The following BRINP1 variants were observed in gnomAD, a reference collection of about 807,000 sequenced individuals.
The protein encoded by BRINP1 is BMP/retinoic acid-inducible neural-specific protein 1.
BRINP1 carries 17 observed loss-of-function variants against 72.9 expected under a neutral mutation model. The observed-to-expected ratio is 0.23, with a 90% confidence interval of 0.16 to 0.35. The LOEUF is 0.35. Among genes scored for constraint, BRINP1 ranks in the 10% least tolerant of loss-of-function variants. BRINP1 has a pLI of 1.00. For synonymous variants in BRINP1, 418 were observed against 378.5 expected, an observed-to-expected ratio of 1.10 and a Z score of -1.21; for missense variants, 850 against 1,001.6, an observed-to-expected ratio of 0.85 and a Z score of 2.04.
In BRINP1 at chr9:119,313,163, A is replaced by G. The variant is rs1218779104; in HGVS notation, c.193T>C (p.Phe65Leu). ...LSFVERHRQG[F>L]TTRYKIYREF... ...CTGTATATTTTATATCTGGTTGTAA[A>G]TCCTTGACGGTGTCTTTCCACAAAG... Residue 65 changes from phenylalanine (F) to leucine (L), a missense_variant, in exon 2 of 8, where the codon TTT becomes CTT. Physicochemically the swap from Phe to Leu is conservative, Grantham distance 22 (BLOSUM62 0). Coordinates refer to ENST00000265922, the MANE Select transcript of BRINP1 (RefSeq NM_014618.3). 2 of 1,613,944 alleles carry G rather than the reference A, an allele frequency of 1.2e-6. No individual in the cohort carries two copies. Among genetic ancestry groups the G allele is most frequent in the Non-Finnish European group, 1.7e-6 (2 of 1,180,034 alleles).
chr9:119,311,728 T>C (rs2118993408), intron 2 of BRINP1, among the ~76,000 whole-genome samples: 1 of 152,338 alleles, frequency 6.6e-6, no homozygotes, highest in East Asian at 1.9e-4. Flanking sequence ...GGCAACCTTT[T>C]ACTTCTCAAC....
chr9:119,192,709 A>G (rs1209482647), intron 7 of BRINP1, among the ~76,000 whole-genome samples: 1 of 152,158 alleles, frequency 6.6e-6, no homozygotes, highest in African/African-American at 2.4e-5. Context: ...GAAATTAAAA[A>G]TAGAACTACC....
chr9:119,347,472 A>G (rs933873716), intron 1 of BRINP1, among the ~76,000 whole-genome samples: 2 of 152,184 alleles, frequency 1.3e-5, no homozygotes, highest in Non-Finnish European at 2.9e-5. Flanking sequence ...CGTGTCCTGC[A>G]CATACTGTTT....
intron 1 of BRINP1, among the ~76,000 whole-genome samples, chr9:119,364,180 T>A (rs564681785): frequency 6.6e-6 from 1 of 152,136 alleles, no homozygotes; most frequent in Non-Finnish European, 1.5e-5. Context: ...AAAACTGTTG[T>A]GAAATAATTA....
chr9:119,247,525 G>C (rs1022588586), intron 3 of BRINP1, among the ~76,000 whole-genome samples: 3 of 151,996 alleles, frequency 2.0e-5, no homozygotes, highest in South Asian at 2.1e-4. Context: ...CATGGTGGTG[G>C]GCGCCTGTAG....
At chr9:119,245,413 C>T (rs766537359) in intron 3 of BRINP1, among the ~76,000 whole-genome samples, 1 of 152,172 alleles carries the variant, frequency 6.6e-6, no homozygotes, top group Non-Finnish European at 1.5e-5. Flanking sequence ...CCAAGCTTAA[C>T]CACACGTGTC....
chr9:119,181,944 A>T (rs746153330), intron 7 of BRINP1, among the ~76,000 whole-genome samples: 3 of 152,206 alleles, frequency 2.0e-5, no homozygotes, highest in Non-Finnish European at 4.4e-5. Flanking sequence ...AGATAAGATG[A>T]TGTGCATTAA....
At chr9:119,206,270 G>A (rs534084363) in intron 7 of BRINP1, among the ~76,000 whole-genome samples, 4 of 151,962 alleles carry the variant, frequency 2.6e-5, no homozygotes, top group African/African-American at 9.7e-5. Flanking sequence ...ACAAAAATTA[G>A]CTGGGTGTGG....
intron 1 of BRINP1, among the ~76,000 whole-genome samples, chr9:119,350,350 G>T (rs746170933): frequency 1.3e-5 from 2 of 152,152 alleles, no homozygotes; most frequent in Non-Finnish European, 2.9e-5. Flanking sequence ...ACAAGCTCTT[G>T]AGGGTTAATA....
At chr9:119,327,754 C>G (rs1049155388) in intron 1 of BRINP1, among the ~76,000 whole-genome samples, 2 of 152,052 alleles carry the variant, frequency 1.3e-5, no homozygotes, top group Non-Finnish European at 2.9e-5. Flanking sequence ...GTTTTGGTAA[C>G]CAGGTTAATG....
intron 3 of BRINP1, among the ~76,000 whole-genome samples, chr9:119,247,487 T>TA (rs200481257): frequency 0.21 from 31,143 of 149,970 alleles, 3,430 homozygotes; most frequent in Admixed American, 0.26. Context: ...CCGTCTCTAC[T>TA]AAAAAAAAAT....
chr9:119,366,492 C>T (rs1338450608), intron 1 of BRINP1, among the ~76,000 whole-genome samples: 1 of 136,230 alleles, frequency 7.3e-6, no homozygotes, highest in Admixed American at 7.9e-5. Flanking sequence ...TCTCAGTCCT[C>T]CCCCCACCAC....
intron 2 of BRINP1, among the ~76,000 whole-genome samples, chr9:119,303,427 C>T (rs7861534): frequency 0.28 from 42,486 of 151,930 alleles, 7,203 homozygotes; most frequent in Non-Finnish European, 0.37. Flanking sequence ...GACAACCTGG[C>T]GAGCACGGTG....
intron 7 of BRINP1, among the ~76,000 whole-genome samples, chr9:119,196,363 CAGAGAAGAA>C (rs2118856297): frequency 6.6e-6 from 1 of 152,316 alleles, no homozygotes; most frequent in East Asian, 1.9e-4. Context: ...CATATCAGCA[CAGAGAAGAA>C]ATACTGAATC....
At chr9:119,267,488 T>C (rs1830558810) in intron 2 of BRINP1, among the ~76,000 whole-genome samples, 1 of 151,378 alleles carries the variant, frequency 6.6e-6, no homozygotes, top group Non-Finnish European at 1.5e-5. Flanking sequence ...AAACAAAAAT[T>C]AGCCAGGTGT....
intron 1 of BRINP1, among the ~76,000 whole-genome samples, chr9:119,358,551 G>T (rs180893503): frequency 6.6e-6 from 1 of 152,266 alleles, no homozygotes; most frequent in East Asian, 1.9e-4. Flanking sequence ...AAAATTAGCC[G>T]GGCATGGCGG....
chr9:119,230,720 A>G (rs1830141880), intron 5 of BRINP1, among the ~76,000 whole-genome samples: 1 of 152,058 alleles, frequency 6.6e-6, no homozygotes, highest in Non-Finnish European at 1.5e-5. Context: ...GAAGAAGAAA[A>G]AAGAGGAGGA....
chr9:119,212,145 G>A (rs1298787679), intron 6 of BRINP1, among the ~76,000 whole-genome samples: 2 of 152,122 alleles, frequency 1.3e-5, no homozygotes, highest in African/African-American at 4.8e-5. Flanking sequence ...AGGATTTTCA[G>A]TGGACTAATG....
intron 4 of BRINP1, among the ~76,000 whole-genome samples, chr9:119,241,001 T>A (rs543929135): frequency 2.0e-5 from 3 of 152,230 alleles, no homozygotes; most frequent in Non-Finnish European, 2.9e-5. Flanking sequence ...AAACATTTTA[T>A]GTCGAGGATG....
Sources: gnomAD v4.1 joint callset for allele counts (sites outside exome capture counted in the v4.1 genomes callset) on GRCh38, gnomAD v4.1.1 for gene constraint, MANE v1.5 for transcripts, NCBI Gene and HGNC (gene_info 2026-07-23, HGNC 2026-07-21) for gene names.